HIVEP3: variants seen among roughly 807,000 people sequenced by gnomAD.
HIVEP3 encodes the protein transcription factor HIVEP3.
Under a neutral mutation model 152.8 loss-of-function variants are expected in HIVEP3, and 49 were observed. The observed-to-expected ratio is 0.32, with a 90% CI of 0.26 to 0.41. The LOEUF (loss-of-function observed/expected upper bound fraction) is 0.41. Among genes scored for constraint, HIVEP3 ranks in the 10% least tolerant of loss-of-function variants. The probability of loss-of-function intolerance (pLI) is 1.00; values close to 1 mark genes in which losing one functional copy is unlikely to be tolerated. For synonymous variants in HIVEP3, 1,269 were observed against 1,289.0 expected (o/e 0.98, Z 0.33); for missense variants, 2,790 against 3,103.3 (o/e 0.90, Z 2.40).
At chr1:41,528,250 T>G (rs375277413) in intron 5 of HIVEP3, among the ~76,000 whole-genome samples, 77 of 37,640 alleles carry the variant, frequency 2.0e-3, no homozygotes, top group African/African-American at 8.4e-3. Context: ...ACACTCACCC[T>G]CACACCCCTC....
upstream of HIVEP3, among the ~76,000 whole-genome samples, chr1:41,919,664 C>T (rs114457582): frequency 8.6e-3 from 1,304 of 152,160 alleles, 19 homozygotes; most frequent in African/African-American, 0.03. Flanking sequence ...TTTTAAGGGT[C>T]AGCATGGAGG....
In HIVEP3 at chr1:41,624,394, A is replaced by G. The variant is rs572785023; in HGVS notation, c.-522+4355T>C. On this transcript the variant is annotated intron_variant, in intron 3 of 8. Transcript: ENST00000372583. Reference sequence around the variant, plus strand: ...ACGTACACACATTCAAACATGCTCTATAGCACATGGGAACACACTGAATAT... The same window carrying G: ...ACGTACACACATTCAAACATGCTCTGTAGCACATGGGAACACACTGAATAT... 8.5e-5 allele frequency among the ~76,000 whole-genome samples: 13 copies of G among 152,362 alleles called. No individual in the cohort carries two copies. In the East Asian group the frequency reaches 1.5e-3, roughly 18 times the overall value.
At chr1:41,938,830 C>T (rs983530137) in intron 1 of HIVEP3, among the ~76,000 whole-genome samples, 1 of 152,334 alleles carries the variant, frequency 6.6e-6, no homozygotes. Context: ...GAATTTTCAT[C>T]AGACTCTGCT....
At chr1:41,715,321 A>G (rs1161169195) in intron 1 of HIVEP3, among the ~76,000 whole-genome samples, 1 of 152,142 alleles carries the variant, frequency 6.6e-6, no homozygotes, top group African/African-American at 2.4e-5. Context: ...GGCTTGGCAG[A>G]TCTGGGCATG....
chr1:41,928,825 A>G (rs548136716), intron 1 of HIVEP3, among the ~76,000 whole-genome samples: 43 of 152,244 alleles, frequency 2.8e-4, no homozygotes, highest in African/African-American at 1.0e-3. Context: ...TCAGTGCATC[A>G]AACTGGGGAA....
chr1:41,959,227 G>C (rs1453835671), intron 1 of HIVEP3, among the ~76,000 whole-genome samples: 2 of 152,208 alleles, frequency 1.3e-5, no homozygotes, highest in East Asian at 3.8e-4. Context: ...ATCCTTAGAG[G>C]AGACCAACTG....
At chr1:41,707,949 C>T (rs1646458753) in intron 1 of HIVEP3, among the ~76,000 whole-genome samples, 1 of 152,228 alleles carries the variant, frequency 6.6e-6, no homozygotes, top group South Asian at 2.1e-4. Flanking sequence ...GTTTGACCTT[C>T]AATTCATGTG....
intron 1 of HIVEP3, among the ~76,000 whole-genome samples, chr1:41,867,915 G>A (rs965589037): frequency 3.3e-5 from 5 of 151,148 alleles, no homozygotes; most frequent in Admixed American, 2.0e-4. Flanking sequence ...TCCCTGCTTC[G>A]ATCTCTGCCC....
chr1:41,931,462 T>A (rs1489982262), intron 1 of HIVEP3, among the ~76,000 whole-genome samples: 2 of 152,194 alleles, frequency 1.3e-5, no homozygotes, highest in East Asian at 3.9e-4. Flanking sequence ...ATTGTATCTA[T>A]CATTTTGTCA....
intron 1 of HIVEP3, among the ~76,000 whole-genome samples, chr1:41,896,090 C>A (rs1644522894): frequency 6.6e-6 from 1 of 152,142 alleles, no homozygotes; most frequent in East Asian, 1.9e-4. Context: ...GGAGGGGGTA[C>A]TTCTAGAGCC....
At chr1:41,683,711 C>T (rs1646074068) in intron 2 of HIVEP3, among the ~76,000 whole-genome samples, 1 of 152,190 alleles carries the variant, frequency 6.6e-6, no homozygotes, top group Non-Finnish European at 1.5e-5. Flanking sequence ...TTCTTGGACT[C>T]TCACTAGGGC....
At position 41,918,133 on chromosome 1, in the gene HIVEP3, C is replaced by T. The variant is rs1379458575; in HGVS notation, c.-801+280G>A. ...CCGCCGCCGCCGCCGCCGCCGCCGC[C>T]TGTGATTGACGCGCGGGGGTCACTT... On this transcript the variant is annotated intron_variant, in intron 1 of 8. Coordinates refer to ENST00000372583, the MANE Select transcript of HIVEP3 (RefSeq NM_024503.5). The surrounding 1 kb of genome is among the most constrained non-coding windows in gnomAD (Gnocchi z 4.3). Among the ~76,000 whole-genome samples, 1 of 152,072 alleles carries T rather than the reference C, an allele frequency of 6.6e-6. No individual in the cohort carries two copies. The highest frequency in any genetic ancestry group is 1.5e-5 in the Non-Finnish European group (1 of 68,004).
intron 1 of HIVEP3, among the ~76,000 whole-genome samples, chr1:41,771,772 G>A (rs1047605586): frequency 5.9e-5 from 9 of 152,072 alleles, no homozygotes; most frequent in East Asian, 5.8e-4. Context: ...AGGTTCAAGC[G>A]ATTCTCCTCA....
intron 1 of HIVEP3, among the ~76,000 whole-genome samples, chr1:41,917,788 G>A (rs1009399589): frequency 1.3e-5 from 2 of 152,134 alleles, no homozygotes; most frequent in Non-Finnish European, 2.9e-5. Flanking sequence ...GTTGGGTCAG[G>A]TTGGGGGTTG....
At chr1:41,810,875 T>C (rs1650917555) in intron 1 of HIVEP3, among the ~76,000 whole-genome samples, 1 of 152,230 alleles carries the variant, frequency 6.6e-6, no homozygotes, top group African/African-American at 2.4e-5. Flanking sequence ...CTATGTGGCA[T>C]GTGGCTTATG....
chr1:41,956,556 C>T (rs1434075740), intron 1 of HIVEP3, among the ~76,000 whole-genome samples: 1 of 152,188 alleles, frequency 6.6e-6, no homozygotes, highest in Non-Finnish European at 1.5e-5. Context: ...TCCCAAATAT[C>T]ACATGGTCTA....
chr1:41,784,341 C>T (rs7548246), intron 1 of HIVEP3, among the ~76,000 whole-genome samples: 29,373 of 152,066 alleles, frequency 0.19, 6,722 homozygotes, highest in African/African-American at 0.55. Context: ...GTTGAAATAA[C>T]CTTTTGGATA....
intron 3 of HIVEP3, among the ~76,000 whole-genome samples, chr1:41,593,375 G>A (rs1013030380): frequency 6.6e-6 from 1 of 151,944 alleles, no homozygotes; most frequent in African/African-American, 2.4e-5. Flanking sequence ...CTTTTTGCGG[G>A]CAGCAGCACT....
rs973439883 is a variant in HIVEP3 at position 41,587,742 on chromosome 1, G to A, written c.-521-2424C>T. On this transcript the variant is annotated intron_variant, in intron 3 of 8. Transcript: ENST00000372583. ...CTAGAAAGGTGATATGATTTTCCCTGAAAATCACACGGGAATGGTGGCAGG... is the reference window on the plus strand; with the variant it reads ...CTAGAAAGGTGATATGATTTTCCCTAAAAATCACACGGGAATGGTGGCAGG... 5.3e-5 allele frequency among the ~76,000 whole-genome samples: 8 copies of A among 152,142 alleles called. 1 individual carries two copies. Among genetic ancestry groups the A allele is most frequent in the African/African-American group, 1.9e-4 (8 of 41,426 alleles).
Sources: allele counts gnomAD v4.1 joint callset (sites outside exome capture counted in the v4.1 genomes callset), GRCh38; gene constraint gnomAD v4.1.1; non-coding constraint Gnocchi (gnomAD v3.1); transcripts MANE v1.5; gene names NCBI Gene and HGNC (gene_info 2026-07-23, HGNC 2026-07-21).